LIN54: variants seen among roughly 807,000 people sequenced by gnomAD.
LIN54 encodes protein lin-54 homolog.
In LIN54, 9 loss-of-function variants were observed where a neutral mutation model predicts 78.7. The observed-to-expected ratio is 0.11, with a 90% confidence interval of 0.07 to 0.20. The LOEUF (loss-of-function observed/expected upper bound fraction) is 0.20, where lower values mean the gene tolerates loss of function less well. Among genes scored for constraint, LIN54 ranks in the 10% least tolerant of loss-of-function variants. The probability of loss-of-function intolerance (pLI) is 1.00; values close to 1 mark genes in which losing one functional copy is unlikely to be tolerated. For missense variants in LIN54, 573 were observed against 889.9 expected (o/e 0.64, Z 4.53); for synonymous variants, 269 against 318.4 (o/e 0.84, Z 1.65).
chr4:82,984,345 A>G lies in LIN54; in HGVS notation c.500T>C (p.Val167Ala), dbSNP rs2126086804. 2 of 1,614,140 alleles carry G rather than the reference A, an allele frequency of 1.2e-6. No individual in the cohort carries two copies. Among genetic ancestry groups the G allele is most frequent in the Non-Finnish European group, 1.7e-6 (2 of 1,180,026 alleles). ...ATCTCCTGACTGGGCCTGAGTTGTA[A>G]CTTTCTGAGCCTGGGGTAGTTGGCT... is the stretch of plus-strand genomic sequence containing the variant. ...PHSQLPQAQK[V>A]TTQAQSGDAK... is the part of the protein sequence containing the mutation. The change falls in exon 2 of 13, where the codon GTT (valine) becomes GCT (alanine). Residue 167 changes from valine to alanine, a missense_variant. Val to Ala is a moderately conservative substitution (Grantham distance 64). Transcript: ENST00000340417.
chr4:82,965,880 T>G (rs912700716), intron 4 of LIN54, among the ~76,000 whole-genome samples: 4 of 152,168 alleles, frequency 2.6e-5, no homozygotes, highest in African/African-American at 9.7e-5. Context: ...TCAGCTTTCC[T>G]TTTGGCCTCT....
In LIN54 at chr4:83,010,655, G is replaced by A. The variant is rs1400665796; in HGVS notation, c.-204C>T. The A allele has an allele frequency of 1.2e-5, 15 of 1,231,650 alleles. No individual in the cohort carries two copies. Among genetic ancestry groups the A allele is most frequent in the Middle Eastern group, 6.2e-4 (2 of 3,206 alleles). The allele number at this position is 1,231,650 out of a possible 1,614,324, so 76.3% of individuals were successfully genotyped here. On this transcript the variant is annotated 5_prime_UTR_variant, in exon 1 of 13. Transcript: ENST00000340417. Reference sequence around the variant, plus strand: ...GAGCGCTCCAGGGTACCCGGGGACCGAGAAGGGAGCCGGGGTGGCGACGTC... The same window carrying A: ...GAGCGCTCCAGGGTACCCGGGGACCAAGAAGGGAGCCGGGGTGGCGACGTC...
intron 4 of LIN54, among the ~76,000 whole-genome samples, chr4:82,957,978 A>G (rs1724475776): frequency 6.6e-6 from 1 of 152,176 alleles, no homozygotes; most frequent in African/African-American, 2.4e-5. Context: ...GCACTTTTAT[A>G]TCACCTAGTC....
chr4:83,002,223 G>A (rs6535424), intron 1 of LIN54, among the ~76,000 whole-genome samples: 142 of 151,984 alleles, frequency 9.3e-4, no homozygotes, highest in African/African-American at 3.2e-3. Flanking sequence ...GTGAAAAAAA[G>A]CTTGCTACCA....
chr4:82,966,063 G>T (rs1725177949), intron 4 of LIN54, among the ~76,000 whole-genome samples: 1 of 151,844 alleles, frequency 6.6e-6, no homozygotes, highest in South Asian at 2.1e-4. Flanking sequence ...TCTCCCACTG[G>T]CTCCTTTTCT....
At chr4:82,970,943 A>G (rs1477878462) in intron 3 of LIN54, among the ~76,000 whole-genome samples, 2 of 117,462 alleles carry the variant, frequency 1.7e-5, no homozygotes, top group Non-Finnish European at 4.3e-5. Context: ...GAAAGGTTTA[A>G]TACTACCTGA....
chr4:83,012,433 G>C (rs1187038604), upstream of LIN54, among the ~76,000 whole-genome samples: 1 of 152,232 alleles, frequency 6.6e-6, no homozygotes, highest in Non-Finnish European at 1.5e-5. Flanking sequence ...ACCTGGGGCC[G>C]CCACGGGTGG....
chr4:82,970,465 C>A lies in LIN54; in HGVS notation c.813G>T (p.Arg271Ser), dbSNP rs1196084301. Residue 271 changes from arginine (R) to serine (S), a missense_variant, in exon 4 of 13, where the codon AGG becomes AGT. Coordinates refer to ENST00000340417, the MANE Select transcript of LIN54 (RefSeq NM_194282.4). ...TQVSPPVIAG[R>S]VLSQSTPGTP... ...TTCCGGGAGTAGACTGTGAAAGAAC[C>A]CTACCTGCAAATGAGAGGCAGCACA... The A allele has an allele frequency of 1.9e-6, 3 of 1,602,464 alleles. No homozygotes were observed. Among genetic ancestry groups the A allele is most frequent in the South Asian group, 1.1e-5 (1 of 88,034 alleles).
In LIN54 at chr4:82,951,936, T is replaced by G. The variant is rs144138978; in HGVS notation, c.952-5462A>C. Among the ~76,000 whole-genome samples, 168 of 152,194 alleles carry G rather than the reference T, an allele frequency of 1.1e-3. 1 individual carries two copies. The highest frequency in any genetic ancestry group is 3.9e-3 in the African/African-American group (160 of 41,538). ...AATATCCGTGTGCAAAACAGTGAAG[T>G]TGGACCCTCACCTACCTAACAAATT... On this transcript the variant is annotated intron_variant, in intron 4 of 12. Transcript: ENST00000340417.
chr4:83,001,871 G>A (rs370921414), intron 1 of LIN54, among the ~76,000 whole-genome samples: 5,801 of 6,612 alleles, frequency 0.88, 2,596 homozygotes, highest in Non-Finnish European at 0.94. Flanking sequence ...GGATAGGAAG[G>A]AAGGAAGGAA....
chr4:83,001,689 C>CA (rs992050313), intron 1 of LIN54, among the ~76,000 whole-genome samples: 16 of 146,450 alleles, frequency 1.1e-4, no homozygotes, highest in East Asian at 4.0e-4. Flanking sequence ...ACTAAAAATA[C>CA]AAAAAAAAAT....
At chr4:82,952,966 G>A (rs1723962118) in intron 4 of LIN54, among the ~76,000 whole-genome samples, 1 of 152,196 alleles carries the variant, frequency 6.6e-6, no homozygotes, top group African/African-American at 2.4e-5. Context: ...GGAGAGAAAA[G>A]ATGAAGGGTT....
intron 4 of LIN54, among the ~76,000 whole-genome samples, chr4:82,947,764 T>C (rs1175177678): frequency 1.3e-5 from 2 of 152,124 alleles, no homozygotes; most frequent in East Asian, 1.9e-4. Flanking sequence ...AAAGAGTCTC[T>C]AACCAGATAT....
In LIN54 at chr4:82,932,092, A is replaced by AATTT. The variant is rs370483165; in HGVS notation, c.1846-948_1846-947insAAAT. Among the ~76,000 whole-genome samples the AATTT allele has an allele frequency of 3.0e-4, 38 of 124,846 alleles. 2 individuals are homozygous for AATTT. In the East Asian group the frequency reaches 5.9e-3, roughly 19 times the overall value. The allele number at this position is 124,846 out of a possible 152,430, so 81.9% of individuals were successfully genotyped here. ...CTGGTTAACAGGTCTGTGTATTTTA[A>AATTT]TTTTTTTTTTTTTTTTTTTTGAGAT... On this transcript the variant is annotated intron_variant, in intron 11 of 12. Coordinates refer to ENST00000340417, the MANE Select transcript of LIN54 (RefSeq NM_194282.4).
At chr4:82,938,835 C>T (rs1041168619) in intron 7 of LIN54, among the ~76,000 whole-genome samples, 4 of 152,148 alleles carry the variant, frequency 2.6e-5, no homozygotes, top group African/African-American at 9.7e-5. Flanking sequence ...ATGCAATGTG[C>T]CTACTTACAA....
intron 1 of LIN54, 87 bp from the exon 2 acceptor site, chr4:82,984,963 A>G (rs1726992314): frequency 1.2e-6 from 1 of 841,540 alleles, no homozygotes; most frequent in Non-Finnish European, 1.8e-6. Context: ...TGGCAAAATG[A>G]CAATTTTTAA....
intron 4 of LIN54, among the ~76,000 whole-genome samples, chr4:82,948,528 A>G (rs1723592062): frequency 6.6e-6 from 1 of 152,254 alleles, no homozygotes. Context: ...ATCATCTTGC[A>G]TAGTTGTCCA....
intron 1 of LIN54, among the ~76,000 whole-genome samples, chr4:82,997,583 G>A (rs1335381077): frequency 6.6e-6 from 1 of 151,944 alleles, no homozygotes; most frequent in Non-Finnish European, 1.5e-5. Context: ...GTTATATTTT[G>A]GGAGGATTAA....
intron 1 of LIN54, among the ~76,000 whole-genome samples, chr4:82,996,076 C>T (rs929840847): frequency 2.0e-5 from 3 of 151,716 alleles, no homozygotes; most frequent in East Asian, 2.0e-4. Context: ...ACCCGGGAGG[C>T]GGAGGTTGCG....
Sources: gnomAD v4.1 joint callset for allele counts (sites outside exome capture counted in the v4.1 genomes callset) on GRCh38, gnomAD v4.1.1 for gene constraint, MANE v1.5 for transcripts, NCBI Gene and HGNC (gene_info 2026-07-23, HGNC 2026-07-21) for gene names.